CARD10: variants seen among roughly 807,000 people sequenced by gnomAD.
CARD10 encodes the protein caspase recruitment domain-containing protein 10.
CARD10 carries 49 observed loss-of-function variants against 114.6 expected under a neutral mutation model. That is an observed-to-expected ratio of 0.43 (90% CI 0.34 to 0.54). The LOEUF is 0.54. Among genes scored for constraint, CARD10 ranks in the 20% least tolerant of loss-of-function variants. The pLI is 0.03. For synonymous variants in CARD10, 602 were observed against 593.2 expected, an observed-to-expected ratio of 1.01 and a Z score of -0.21; for missense variants, 1,206 against 1,397.2, an observed-to-expected ratio of 0.86 and a Z score of 2.18.
Position 37,496,323 on chromosome 22 carries a change from G to C in CARD10, c.2059+126C>G, listed in dbSNP as rs1000257818. On this transcript the variant is annotated intron_variant, in intron 13 of 19. Coordinates refer to ENST00000251973, the MANE Select transcript of CARD10 (RefSeq NM_014550.4). This position sits in a 1 kb window ranked among gnomAD's most constrained non-coding sequence, Gnocchi z 4.1. ...AGAAGGAGGCATCAGCAGGCGGGGA[G>C]CCAGGAGAAGGGCAATTGGGGCAAG... 1.0e-5 allele frequency: 7 copies of C among 684,568 alleles called. No homozygotes were observed. In the African/African-American group the frequency reaches 1.3e-4, roughly 12 times the overall value. 42.4% of individuals were successfully genotyped at this position (684,568 alleles called of 1,614,324 possible). A position where few individuals can be genotyped will look rare whatever the true frequency, so the allele number is the denominator to read the frequency against.
chr22:37,502,883 C>T (rs950667792), intron 10 of CARD10, among the ~76,000 whole-genome samples, 158 bp from the exon 11 acceptor site: 2 of 152,202 alleles, frequency 1.3e-5, no homozygotes, highest in Non-Finnish European at 2.9e-5. Flanking sequence ...TAGGTCAGGG[C>T]CCACCAGGCT....
chr22:37,515,142 G>A (rs1391293002), intron 3 of CARD10, among the ~76,000 whole-genome samples: 2 of 152,218 alleles, frequency 1.3e-5, no homozygotes, highest in Non-Finnish European at 2.9e-5. Flanking sequence ...GGCGTATGGT[G>A]CTTTGGTGAG....
chr22:37,493,545 CCA>C (rs1021161455), intron 16 of CARD10, among the ~76,000 whole-genome samples: 1 of 152,194 alleles, frequency 6.6e-6, no homozygotes, highest in African/African-American at 2.4e-5. Context: ...TCCAAGCACA[CCA>C]CACACAGCCA....
intron 11 of CARD10, 93 bp downstream of exon 11, chr22:37,502,509 A>T: frequency 7.1e-7 from 1 of 1,416,192 alleles, no homozygotes; most frequent in Non-Finnish European, 9.6e-7. Flanking sequence ...TAGTTGCATA[A>T]AACAGGGGCG....
At chr22:37,503,490 T>C (rs1923294021) in intron 9 of CARD10, among the ~76,000 whole-genome samples, 1 of 152,076 alleles carries the variant, frequency 6.6e-6, no homozygotes, top group Non-Finnish European at 1.5e-5. Context: ...TGCCACCTCC[T>C]CCTGGAAGCC....
rs1923323677 is a variant in CARD10 at position 37,504,240 on chromosome 22, C to CT, written c.1579dup (p.Ser527LysfsTer11). On this transcript the variant is annotated frameshift_variant, in exon 9 of 20. Transcript: ENST00000251973. LOFTEE classifies it high-confidence loss of function. ...CTGCCGGCGGAGGATGGAGCCGGCA[C>CT]TGGGGGGGAAGGGCAGGATGGAGAG... The CT allele has an allele frequency of 1.3e-6, 2 of 1,580,476 alleles. No individual in the cohort carries two copies. The highest frequency in any genetic ancestry group is 1.2e-5 in the South Asian group (1 of 86,082).
Position 37,504,193 on chromosome 22 carries a change from G to A in CARD10, c.1627C>T (p.Pro543Ser). ...TATCCCCAGCCATCTCACCTCTTAG[G>A]GGGTGCGGGGTCTTCCTCACGCTGC... Reference protein sequence around the residue: ...RRQREEDPAPPKRSFSSMSDI... With the variant: ...RRQREEDPAPSKRSFSSMSDI... The change falls in exon 9 of 20, where the codon CCT becomes TCT. Residue 543 changes from proline to serine, a missense_variant. Physicochemically the swap from Pro to Ser is moderately conservative, Grantham distance 74. This residue lies in a region of CARD10 where 1,068 missense variants were observed against 1,179.1 expected (regional missense o/e 0.91). Coordinates refer to ENST00000251973, the MANE Select transcript of CARD10 (RefSeq NM_014550.4). 1 of 1,558,552 alleles carries A rather than the reference G, an allele frequency of 6.4e-7. No homozygotes were observed.
At chr22:37,510,143 G>T in intron 4 of CARD10, 69 bp downstream of exon 4, 1 of 1,356,798 alleles carries the variant, frequency 7.4e-7, no homozygotes, top group Non-Finnish European at 1.0e-6. Flanking sequence ...GTGCCCACAA[G>T]CCCCAGTACC....
intron 11 of CARD10, among the ~76,000 whole-genome samples, chr22:37,497,999 G>A (rs1036307470): frequency 4.6e-5 from 7 of 152,222 alleles, no homozygotes; most frequent in African/African-American, 1.7e-4. Flanking sequence ...CTACACGCTG[G>A]TGAAGAATAG....
chr22:37,500,133 A>G (rs1015890306), intron 11 of CARD10, among the ~76,000 whole-genome samples: 1 of 152,204 alleles, frequency 6.6e-6, no homozygotes, highest in African/African-American at 2.4e-5. Context: ...CTGAGACTGA[A>G]GCATGCCACA....
Position 37,519,038 on chromosome 22 carries a change from G to C in CARD10, c.163C>G (p.Arg55Gly). The change falls in exon 1 of 20, where the codon CGG becomes GGG. Residue 55 changes from arginine (R) to glycine (G), a missense_variant. Arg to Gly is a moderately radical substitution (Grantham distance 125). This residue lies in a region of CARD10 where 138 missense variants were observed against 218.0 expected (regional missense o/e 0.63). Transcript: ENST00000251973. The surrounding 1 kb of genome is among the most constrained non-coding windows in gnomAD (Gnocchi z 4.1). ...TCCTCGTCCTGCTCGTCGATGACCC[G>C]GCACTGGCGCAGATACGGCGTGAGC... ...AKLTPYLRQC[R>G]VIDEQDEEEV... 3 of 1,595,534 alleles carry C rather than the reference G, an allele frequency of 1.9e-6. No homozygotes were observed. Among genetic ancestry groups the C allele is most frequent in the Non-Finnish European group, 2.5e-6 (3 of 1,177,298 alleles).
chr22:37,515,896 G>A, intron 3 of CARD10, 77 bp downstream of exon 3: 1 of 1,220,922 alleles, frequency 8.2e-7, no homozygotes, highest in East Asian at 2.6e-5. Context: ...GTGGCTCTGG[G>A]ACACAGGCTG....
intron 2 of CARD10, among the ~76,000 whole-genome samples, chr22:37,517,696 C>A (rs1416160390): frequency 6.6e-6 from 1 of 152,028 alleles, no homozygotes; most frequent in Non-Finnish European, 1.5e-5. Flanking sequence ...ACATAAAAAA[C>A]TATACATCTG....
In CARD10 at chr22:37,519,233, G is replaced by T; in HGVS notation, c.-33C>A. 6.8e-7 allele frequency: 1 copy of T among 1,476,904 alleles called. No homozygotes were observed. The highest frequency in any genetic ancestry group is 9.0e-7 in the Non-Finnish European group (1 of 1,115,760). The allele number at this position is 1,476,904 out of a possible 1,614,324, so 91.5% of individuals were successfully genotyped here. A position where few individuals can be genotyped will look rare whatever the true frequency, so the allele number is the denominator to read the frequency against. On this transcript the variant is annotated 5_prime_UTR_variant, in exon 1 of 20. Transcript: ENST00000251973. The surrounding 1 kb of genome is among the most constrained non-coding windows in gnomAD (Gnocchi z 4.1). ...TCCTCAGGGTCTGCGGGCAAGAGGC[G>T]CACGGGGGTCGACCAGGGCTCCCTA...
chr22:37,509,314 G>A (rs1923528767), intron 4 of CARD10, among the ~76,000 whole-genome samples: 1 of 152,130 alleles, frequency 6.6e-6, no homozygotes, highest in African/African-American at 2.4e-5. Context: ...ATTAAAGCTG[G>A]GGCCCTTTCC....
chr22:37,503,340 A>C, intron 9 of CARD10, 127 bp from the exon 10 acceptor site: 1 of 938,578 alleles, frequency 1.1e-6, no homozygotes. Flanking sequence ...GGCTAGACTC[A>C]AGGCAGGGTC....
Position 37,516,162 on chromosome 22 carries a change from C to A in CARD10, c.510G>T (p.Gly170=). 1 of 1,594,128 alleles carries A rather than the reference C, an allele frequency of 6.3e-7. No individual in the cohort carries two copies. Among genetic ancestry groups the A allele is most frequent in the Non-Finnish European group, 8.5e-7 (1 of 1,170,920 alleles). The change falls in exon 3 of 20, where the codon GGG becomes GGT. Residue 170 remains glycine, a synonymous_variant. Coordinates refer to ENST00000251973, the MANE Select transcript of CARD10 (RefSeq NM_014550.4). The stretch of plus-strand genomic sequence containing the variant: ...GCTGGTCCCGCAGCCGCTGCTCCAG[C>A]CCTGCCCGCTCCTCCTCGAGCACCC... The part of the protein sequence containing the change: ...RGRVLEEERA[G]LEQRLRDQQQ...
chr22:37,494,087 T>C lies in CARD10; in HGVS notation c.2475A>G (p.Ala825=), dbSNP rs1262283718. The change falls in exon 16 of 20, where the codon GCA becomes GCG. Residue 825 remains alanine (A), a splice_region_variant and synonymous_variant. Transcript: ENST00000251973. ...ACAGCTTTGCCCCCGCGCACTCACC[T>C]GCACAGGGCTCCAGCAGCAGCTGAT... ...SPDQLLLEPC[A]EPERSLRPYS... 1.4e-5 allele frequency: 22 copies of C among 1,553,058 alleles called. No homozygotes were observed. Among genetic ancestry groups the C allele is most frequent in the Non-Finnish European group, 1.7e-5 (20 of 1,147,746 alleles).
At chr22:37,512,453 G>T (rs1923685362) in intron 3 of CARD10, among the ~76,000 whole-genome samples, 1 of 102,066 alleles carries the variant, frequency 9.8e-6, no homozygotes, top group African/African-American at 5.3e-5. Context: ...GGTTAGAATG[G>T]CAGCCCCCCC....
Sources: gnomAD v4.1 joint callset for allele counts (sites outside exome capture counted in the v4.1 genomes callset) on GRCh38, gnomAD v4.1.1 for gene constraint, gnomAD v4.1.1 regional missense constraint, Gnocchi (gnomAD v3.1) non-coding constraint, MANE v1.5 for transcripts, NCBI Gene and HGNC (gene_info 2026-07-23, HGNC 2026-07-21) for gene names.